PPP3R1: variants seen among roughly 807,000 people sequenced by gnomAD.
PPP3R1 encodes calcineurin subunit B type 1.
A neutral mutation model predicts 22.6 loss-of-function variants in PPP3R1; 5 were observed. The observed-to-expected ratio is 0.22, with a 90% CI of 0.12 to 0.46. The LOEUF (loss-of-function observed/expected upper bound fraction) is 0.46. PPP3R1 is among the 20% of genes least tolerant of loss of function. The pLI is 0.99. For missense variants in PPP3R1, 61 were observed against 203.2 expected, an observed-to-expected ratio of 0.30 and a Z score of 4.25; for synonymous variants, 56 against 65.2, an observed-to-expected ratio of 0.86 and a Z score of 0.68.
chr2:68,251,470 C>T (rs1558647587), intron 1 of PPP3R1, among the ~76,000 whole-genome samples: 3 of 152,200 alleles, frequency 2.0e-5, no homozygotes, highest in Non-Finnish European at 4.4e-5. Context: ...GAACAAACAC[C>T]TTGGATCTTT....
At position 68,180,785 on chromosome 2, in the gene PPP3R1, G is replaced by T. The variant is rs1674384272; in HGVS notation, c.*178C>A. The T allele has an allele frequency of 3.2e-6, 2 of 617,564 alleles. No individual in the cohort carries two copies. Among genetic ancestry groups the T allele is most frequent in the African/African-American group, 1.9e-5 (1 of 53,976 alleles). 38.3% of individuals were successfully genotyped at this position (617,564 alleles called of 1,614,324 possible). A position where few individuals can be genotyped will look rare whatever the true frequency, so the allele number is the denominator to read the frequency against. ...CTTTAAAGTGCTACACTGAGTTATT[G>T]AGAGAATTACAGTTCAATAACACTT... On this transcript the variant is annotated 3_prime_UTR_variant, in exon 6 of 6. Coordinates refer to ENST00000234310, the MANE Select transcript of PPP3R1 (RefSeq NM_000945.4).
At chr2:68,236,960 C>A (rs1418745183) in intron 1 of PPP3R1, among the ~76,000 whole-genome samples, 1 of 152,184 alleles carries the variant, frequency 6.6e-6, no homozygotes, top group Non-Finnish European at 1.5e-5. Flanking sequence ...GGGCAGCCCT[C>A]TGCTGACATG....
chr2:68,187,524 T>G (rs1043510344), intron 3 of PPP3R1, among the ~76,000 whole-genome samples: 13 of 152,128 alleles, frequency 8.5e-5, no homozygotes, highest in Admixed American at 7.9e-4. Context: ...TTCTCTAAGG[T>G]CAATCAATTT....
intron 1 of PPP3R1, among the ~76,000 whole-genome samples, chr2:68,221,547 G>C (rs1214333122): frequency 6.6e-6 from 1 of 152,080 alleles, no homozygotes; most frequent in Non-Finnish European, 1.5e-5. Flanking sequence ...AAATGACTTT[G>C]TTATGTGAAT....
rs1201871515 is a variant in PPP3R1, at chr2:68,244,182, A to T, written c.3+7943T>A. Reference sequence around the variant, plus strand: ...CCTATGTAAATTGATCAGAAGAACAAATCTGAGTTAATAAAGCAAAGACTG... The same window carrying T: ...CCTATGTAAATTGATCAGAAGAACATATCTGAGTTAATAAAGCAAAGACTG... On this transcript the variant is annotated intron_variant, in intron 1 of 5. Transcript: ENST00000234310. 2.0e-5 allele frequency among the ~76,000 whole-genome samples: 3 copies of T among 152,190 alleles called. No individual in the cohort carries two copies. In the East Asian group the frequency reaches 5.8e-4, roughly 29 times the overall value.
At chr2:68,208,655 T>G (rs1558634282) in intron 2 of PPP3R1, among the ~76,000 whole-genome samples, 1 of 152,044 alleles carries the variant, frequency 6.6e-6, no homozygotes, top group Non-Finnish European at 1.5e-5. Context: ...CATAAAAAGG[T>G]TGGGTACAGT....
At chr2:68,239,615 T>G (rs1670081020) in intron 1 of PPP3R1, among the ~76,000 whole-genome samples, 2 of 152,122 alleles carry the variant, frequency 1.3e-5, no homozygotes, top group Admixed American at 6.5e-5. Context: ...GAGAACGATG[T>G]GGCCTGAAAA....
intron 1 of PPP3R1, among the ~76,000 whole-genome samples, chr2:68,229,833 T>C (rs558129263): frequency 6.6e-6 from 1 of 152,224 alleles, no homozygotes; most frequent in East Asian, 1.9e-4. Context: ...ATGTCTTTAA[T>C]TGATTCTGCC....
At chr2:68,202,776 C>T (rs1238605396) in intron 2 of PPP3R1, among the ~76,000 whole-genome samples, 1 of 139,390 alleles carries the variant, frequency 7.2e-6, no homozygotes, top group African/African-American at 2.8e-5. Context: ...TTAATATATA[C>T]TAGAGAGTTC....
intron 1 of PPP3R1, among the ~76,000 whole-genome samples, chr2:68,230,011 C>CACACACACACACACACACACACATAT: frequency 7.2e-6 from 1 of 139,658 alleles, no homozygotes; most frequent in South Asian, 2.3e-4. Flanking sequence ...CACACACACA[C>CACACACACACACACACACACACATAT]ATATATATTT....
intron 1 of PPP3R1, among the ~76,000 whole-genome samples, chr2:68,231,780 T>C (rs1477857671): frequency 6.6e-6 from 1 of 152,188 alleles, no homozygotes; most frequent in African/African-American, 2.4e-5. Flanking sequence ...TTTTGATTCA[T>C]GCTAAGGTAC....
chr2:68,225,602 G>C (rs1669766285), intron 1 of PPP3R1, among the ~76,000 whole-genome samples: 1 of 152,204 alleles, frequency 6.6e-6, no homozygotes, highest in African/African-American at 2.4e-5. Flanking sequence ...CTTCTGATTT[G>C]CAGAACTATG....
chr2:68,187,910 G>A (rs1180233166), intron 3 of PPP3R1, among the ~76,000 whole-genome samples: 2 of 151,900 alleles, frequency 1.3e-5, no homozygotes, highest in African/African-American at 4.8e-5. Flanking sequence ...GCTCATGCCT[G>A]TAATCCCAGC....
chr2:68,252,362 C>T lies in PPP3R1; in HGVS notation c.-235G>A, dbSNP rs1428998121. On this transcript the variant is annotated 5_prime_UTR_variant, in exon 1 of 6. Coordinates refer to ENST00000234310, the MANE Select transcript of PPP3R1 (RefSeq NM_000945.4). ...ATAAATTAAGGTCGAGATTCAGAGC[C>T]GGAGAGCGCGGGAGGAGCAGCGGCG... 2 of 1,005,978 alleles carry T rather than the reference C, an allele frequency of 2.0e-6. No homozygotes were observed. The highest frequency in any genetic ancestry group is 2.4e-6 in the Non-Finnish European group (2 of 844,854). The allele number at this position is 1,005,978 out of a possible 1,614,324, so 62.3% of individuals were successfully genotyped here. A position where few individuals can be genotyped will look rare whatever the true frequency, so the allele number is the denominator to read the frequency against.
At position 68,179,273 on chromosome 2, in the gene PPP3R1, T is replaced by C. The variant is rs181065973; in HGVS notation, c.*1690A>G. On this transcript the variant is annotated 3_prime_UTR_variant, in exon 6 of 6. Coordinates refer to ENST00000234310, the MANE Select transcript of PPP3R1 (RefSeq NM_000945.4). ...ACTGATCCAGAGGAAGAAAGTTACA[T>C]GTAGTGGAGATTTTCAGTCTGAACA... The C allele has an allele frequency of 2.0e-5, 3 of 152,774 alleles. No homozygotes were observed. The highest frequency in any genetic ancestry group is 6.5e-5 in the Admixed American group (1 of 15,302). 9.5% of individuals were successfully genotyped at this position (152,774 alleles called of 1,614,324 possible). A position where few individuals can be genotyped will look rare whatever the true frequency, so the allele number is the denominator to read the frequency against.
intron 1 of PPP3R1, among the ~76,000 whole-genome samples, chr2:68,227,681 T>C (rs1251665911): frequency 1.3e-5 from 2 of 152,110 alleles, no homozygotes; most frequent in Non-Finnish European, 2.9e-5. Context: ...AGGCACATAA[T>C]ATGTTTAACT....
At chr2:68,251,493 G>A (rs539555691) in intron 1 of PPP3R1, among the ~76,000 whole-genome samples, 3 of 152,228 alleles carry the variant, frequency 2.0e-5, no homozygotes, top group Admixed American at 6.5e-5. Flanking sequence ...GGTTCGCCAG[G>A]GCAGCGAGCA....
chr2:68,218,443 TTAAA>T (rs773655517), intron 1 of PPP3R1, among the ~76,000 whole-genome samples: 1 of 152,124 alleles, frequency 6.6e-6, no homozygotes, highest in Non-Finnish European at 1.5e-5. Flanking sequence ...TTAGGTCACT[TTAAA>T]TATCAAATAT....
intron 2 of PPP3R1, among the ~76,000 whole-genome samples, chr2:68,199,951 T>C (rs139772267): frequency 6.6e-6 from 1 of 152,316 alleles, no homozygotes; most frequent in African/African-American, 2.4e-5. Context: ...TAGCTTCTAT[T>C]TTCTAAGAGT....
Sources: gnomAD v4.1 joint callset for allele counts (sites outside exome capture counted in the v4.1 genomes callset) on GRCh38, gnomAD v4.1.1 for gene constraint, MANE v1.5 for transcripts, NCBI Gene and HGNC (gene_info 2026-07-23, HGNC 2026-07-21) for gene names.